The following CERKL variants were observed in gnomAD, a reference collection of about 807,000 sequenced individuals.
CERKL encodes the protein ceramide kinase-like protein.
CERKL carries 61 observed loss-of-function variants against 63.4 expected under a neutral mutation model. The observed-to-expected ratio is 0.96, with a 90% CI of 0.78 to 1.19. CERKL has a LOEUF of 1.19. CERKL is among the 50% of genes most tolerant of loss of function. CERKL has a pLI of 0.00. For missense variants in CERKL, 675 were observed against 655.5 expected (o/e 1.03, Z -0.33); for synonymous variants, 250 against 230.5 (o/e 1.08, Z -0.77).
intron 2 of CERKL, among the ~76,000 whole-genome samples, chr2:181,578,050 G>A (rs1013754710): frequency 6.6e-6 from 1 of 152,090 alleles, no homozygotes; most frequent in Non-Finnish European, 1.5e-5. Flanking sequence ...TTCTCTATAG[G>A]TAAATCATAC....
At chr2:181,542,672 GATAA>G (rs960802311) in intron 11 of CERKL, among the ~76,000 whole-genome samples, 4 of 151,504 alleles carry the variant, frequency 2.6e-5, no homozygotes, top group South Asian at 2.1e-4. Flanking sequence ...TTTGAAAGTT[GATAA>G]ATAAATCAGA....
intron 1 of CERKL, among the ~76,000 whole-genome samples, 167 bp downstream of exon 1, chr2:181,656,602 A>C (rs1003417672): frequency 2.0e-5 from 3 of 150,904 alleles, no homozygotes; most frequent in Non-Finnish European, 3.0e-5. Context: ...GGGAAGGAGG[A>C]GGCGGCGACT....
intron 1 of CERKL, among the ~76,000 whole-genome samples, chr2:181,642,757 C>T (rs189383592): frequency 2.8e-4 from 42 of 152,064 alleles, no homozygotes; most frequent in African/African-American, 8.7e-4. Context: ...ATCTTTGAAA[C>T]ATACTATTTG....
chr2:181,631,512 T>TC (rs1324975863), intron 1 of CERKL, among the ~76,000 whole-genome samples: 1 of 151,620 alleles, frequency 6.6e-6, no homozygotes, highest in Non-Finnish European at 1.5e-5. Flanking sequence ...CACCCCACCT[T>TC]CCCCCATGCT....
intron 2 of CERKL, among the ~76,000 whole-genome samples, chr2:181,588,885 G>A (rs1290884303): frequency 1.3e-5 from 2 of 152,092 alleles, no homozygotes; most frequent in African/African-American, 4.8e-5. Flanking sequence ...GTCTTCTTTC[G>A]AGAAATGTCT....
chr2:181,645,186 G>A (rs1329075474), intron 1 of CERKL, among the ~76,000 whole-genome samples: 1 of 152,192 alleles, frequency 6.6e-6, no homozygotes. Context: ...TTAAAAAAGA[G>A]TTTTGATGTT....
rs1478314551 is a variant in CERKL, at chr2:181,538,035, T to C, written c.*149A>G. The C allele has an allele frequency of 1.4e-6, 1 of 697,230 alleles. No homozygotes were observed. Among genetic ancestry groups the C allele is most frequent in the Non-Finnish European group, 2.7e-6 (1 of 372,748 alleles). 43.2% of individuals were successfully genotyped at this position (697,230 alleles called of 1,614,324 possible). ...TGCCTGATGATCTGAGGTGGAACAG[T>C]TCATCCTGAAACCATTCCCCCATCC... is the stretch of plus-strand genomic sequence containing the variant. On this transcript the variant is annotated 3_prime_UTR_variant, in exon 13 of 13. Transcript: ENST00000410087.
intron 3 of CERKL, among the ~76,000 whole-genome samples, chr2:181,571,120 G>A (rs976968169): frequency 3.3e-5 from 5 of 152,124 alleles, no homozygotes; most frequent in African/African-American, 1.2e-4. Context: ...AACACTGTAA[G>A]ATAGGCAGGA....
chr2:181,605,926 A>G (rs1175157512), intron 1 of CERKL, among the ~76,000 whole-genome samples: 1 of 152,022 alleles, frequency 6.6e-6, no homozygotes, highest in African/African-American at 2.4e-5. Context: ...CCTTGCTTGC[A>G]TTCTCAGGGG....
At chr2:181,640,207 G>A (rs7602634) in intron 1 of CERKL, among the ~76,000 whole-genome samples, 91,931 of 151,920 alleles carry the variant, frequency 0.61, 28,940 homozygotes, top group East Asian at 0.8. Context: ...ATGGTTTAAT[G>A]TCCTTCAACT....
chr2:181,613,423 C>T (rs886113298), intron 1 of CERKL, among the ~76,000 whole-genome samples: 26 of 152,174 alleles, frequency 1.7e-4, no homozygotes, highest in African/African-American at 6.3e-4. Context: ...CAGGAGGACC[C>T]AACAGTGAAA....
At chr2:181,650,914 G>C (rs1039373626) in intron 1 of CERKL, among the ~76,000 whole-genome samples, 19 of 152,106 alleles carry the variant, frequency 1.2e-4, no homozygotes, top group African/African-American at 3.9e-4. Flanking sequence ...TTTTCAACAA[G>C]TTTCATCAAA....
intron 1 of CERKL, among the ~76,000 whole-genome samples, chr2:181,634,438 C>A (rs1180764085): frequency 6.6e-6 from 1 of 152,054 alleles, no homozygotes; most frequent in Non-Finnish European, 1.5e-5. Context: ...ACAGTATGTG[C>A]AGACAAAAGA....
intron 1 of CERKL, among the ~76,000 whole-genome samples, chr2:181,634,611 C>A (rs1233199480): frequency 6.6e-6 from 1 of 152,012 alleles, no homozygotes; most frequent in East Asian, 1.9e-4. Context: ...AAGGGACTTA[C>A]CAAATAAGAC....
chr2:181,642,534 A>C (rs969318414), intron 1 of CERKL, among the ~76,000 whole-genome samples: 1 of 152,242 alleles, frequency 6.6e-6, no homozygotes, highest in African/African-American at 2.4e-5. Context: ...CTCTCTTGTA[A>C]CAATAAGAAA....
At chr2:181,656,062 CTT>C (rs971195994) in intron 1 of CERKL, among the ~76,000 whole-genome samples, 16 of 152,318 alleles carry the variant, frequency 1.1e-4, no homozygotes, top group African/African-American at 3.4e-4. Context: ...AGCATTATAA[CTT>C]TTTTAGGTAA....
chr2:181,538,149 C>CTAGTT lies in CERKL; in HGVS notation c.*30_*34dup, dbSNP rs752704341. The stretch of plus-strand genomic sequence containing the variant: ...GGCCACATTTCTTTATATTAAAATT[C>CTAGTT]TAGTTTGTACATTTCTTTTAGAAAC... On this transcript the variant is annotated 3_prime_UTR_variant, in exon 13 of 13. Transcript: ENST00000410087. 5 of 1,383,622 alleles carry CTAGTT rather than the reference C, an allele frequency of 3.6e-6. No homozygotes were observed. The highest frequency in any genetic ancestry group is 5.1e-6 in the Non-Finnish European group (5 of 975,516). The allele number at this position is 1,383,622 out of a possible 1,614,324, so 85.7% of individuals were successfully genotyped here.
At chr2:181,655,619 C>A in intron 1 of CERKL, among the ~76,000 whole-genome samples, 1 of 152,222 alleles carries the variant, frequency 6.6e-6, no homozygotes, top group East Asian at 1.9e-4. Flanking sequence ...CAATCGCAAC[C>A]AGTGCTGAAT....
intron 1 of CERKL, among the ~76,000 whole-genome samples, chr2:181,615,262 C>T (rs894058110): frequency 9.2e-5 from 14 of 152,130 alleles, no homozygotes; most frequent in Admixed American, 4.6e-4. Context: ...GAGAGCAAAG[C>T]GGGACCTGCT....
Sources: gnomAD v4.1 joint callset for allele counts (sites outside exome capture counted in the v4.1 genomes callset) on GRCh38, gnomAD v4.1.1 for gene constraint, MANE v1.5 for transcripts, NCBI Gene and HGNC (gene_info 2026-07-23, HGNC 2026-07-21) for gene names.